The following CDK13 variants were observed in gnomAD, a reference collection of about 807,000 sequenced individuals.
CDK13 encodes the protein cyclin dependent kinase 13.
In CDK13, 40 loss-of-function variants were observed where a neutral mutation model predicts 137.6. That is an observed-to-expected ratio of 0.29 (90% CI 0.23 to 0.38). The LOEUF (loss-of-function observed/expected upper bound fraction) is 0.38. Among genes scored for constraint, CDK13 ranks in the 10% least tolerant of loss-of-function variants. CDK13 has a pLI of 1.00. For synonymous variants in CDK13, 869 were observed against 760.1 expected (o/e 1.14, Z -2.36); for missense variants, 1,704 against 1,951.8 (o/e 0.87, Z 2.39).
chr7:40,036,769 G>A (rs1273565386), intron 5 of CDK13, among the ~76,000 whole-genome samples: 1 of 150,984 alleles, frequency 6.6e-6, no homozygotes, highest in Non-Finnish European at 1.5e-5. Flanking sequence ...TATTATAAAA[G>A]TTAGTCTTTG....
chr7:40,045,036 T>A (rs1276504532), intron 5 of CDK13, among the ~76,000 whole-genome samples: 1 of 152,208 alleles, frequency 6.6e-6, no homozygotes, highest in Non-Finnish European at 1.5e-5. Context: ...AAAGACTCCT[T>A]CTGTTGCAAG....
At chr7:40,043,679 T>C (rs1319575268) in intron 5 of CDK13, among the ~76,000 whole-genome samples, 1 of 151,704 alleles carries the variant, frequency 6.6e-6, no homozygotes, top group African/African-American at 2.4e-5. Context: ...ACAGAAAAAT[T>C]AGCCAGATGT....
chr7:39,973,706 C>T (rs993352032), intron 1 of CDK13, among the ~76,000 whole-genome samples: 2 of 152,150 alleles, frequency 1.3e-5, no homozygotes, highest in African/African-American at 4.8e-5. Context: ...GCATTTTCTT[C>T]TAAAAATTTT....
At chr7:40,024,133 G>A (rs981808301) in intron 5 of CDK13, among the ~76,000 whole-genome samples, 1 of 152,156 alleles carries the variant, frequency 6.6e-6, no homozygotes, top group African/African-American at 2.4e-5. Flanking sequence ...ACTTGAAGCA[G>A]ATTCCCTCAA....
At chr7:40,019,083 G>A (rs1366656391) in intron 5 of CDK13, among the ~76,000 whole-genome samples, 1 of 152,098 alleles carries the variant, frequency 6.6e-6, no homozygotes, top group Non-Finnish European at 1.5e-5. Flanking sequence ...TTATAAGGAA[G>A]GTTATTCATA....
intron 1 of CDK13, among the ~76,000 whole-genome samples, chr7:39,953,858 C>T (rs891388993): frequency 1.3e-5 from 2 of 152,164 alleles, no homozygotes; most frequent in African/African-American, 4.8e-5. Flanking sequence ...TAGAGGCAAC[C>T]TGTTCACTAG....
At chr7:39,954,294 C>T (rs1364835788) in intron 1 of CDK13, among the ~76,000 whole-genome samples, 1 of 152,080 alleles carries the variant, frequency 6.6e-6, no homozygotes, top group African/African-American at 2.4e-5. Context: ...TTGGAAAAAT[C>T]TAAAGATTTT....
intron 1 of CDK13, among the ~76,000 whole-genome samples, chr7:39,964,376 A>G (rs543258941): frequency 4.6e-5 from 7 of 152,124 alleles, no homozygotes; most frequent in Admixed American, 2.0e-4. Flanking sequence ...GAATTTATTC[A>G]TTTCTTCTAG....
chr7:40,016,456 G>A (rs1785007119), intron 5 of CDK13, among the ~76,000 whole-genome samples: 1 of 152,122 alleles, frequency 6.6e-6, no homozygotes, highest in Non-Finnish European at 1.5e-5. Flanking sequence ...CATGTGATAG[G>A]AGAGACTTTA....
At chr7:39,963,890 G>C (rs1783808151) in intron 1 of CDK13, among the ~76,000 whole-genome samples, 1 of 152,142 alleles carries the variant, frequency 6.6e-6, no homozygotes, top group African/African-American at 2.4e-5. Context: ...TATGGTTTTT[G>C]TCATTGGTGC....
Position 40,039,434 on chromosome 7 carries a change from A to ATTTTTTTTTTT in CDK13, c.2354-6389_2354-6379dup, listed in dbSNP as rs976319927. On this transcript the variant is annotated intron_variant, in intron 5 of 13. Transcript: ENST00000181839. ...AGGTGCCCACGACCATGCCCGGCTA[A>ATTTTTTTTTTT]TTTTTTTTTTTTTTTTTTTTTTTGC... Among the ~76,000 whole-genome samples, 206 of 84,990 alleles carry ATTTTTTTTTTT rather than the reference A, an allele frequency of 2.4e-3. 30 individuals are homozygous for ATTTTTTTTTTT. The highest frequency in any genetic ancestry group is 8.8e-3 in the African/African-American group (159 of 18,010). The allele number at this position is 84,990 out of a possible 152,430, so 55.8% of individuals were successfully genotyped here. A position where few individuals can be genotyped will look rare whatever the true frequency, so the allele number is the denominator to read the frequency against.
intron 5 of CDK13, among the ~76,000 whole-genome samples, chr7:40,002,427 G>A (rs1210582185): frequency 1.3e-5 from 2 of 152,252 alleles, no homozygotes; most frequent in Middle Eastern, 3.4e-3. Flanking sequence ...TTCTGAAAGT[G>A]TGGAGGCAAA....
chr7:40,071,735 T>C (rs1411698069), intron 9 of CDK13: 8 of 152,222 alleles, frequency 5.3e-5, no homozygotes, highest in Non-Finnish European at 1.0e-4. Context: ...TTTTCAGTAT[T>C]TTGAAACTGT....
At position 39,951,818 on chromosome 7, in the gene CDK13, C is replaced by A; in HGVS notation, c.1177C>A (p.Arg393Ser). Reference sequence around the variant, plus strand: ...TAGTCCCTACAGCAGCAGCAGCTGGCGCCGCTCTCGCAGTCCCTACAGCCC... The same window carrying A: ...TAGTCCCTACAGCAGCAGCAGCTGGAGCCGCTCTCGCAGTCCCTACAGCCC... ...SPSPYSSSSW[R>S]RSRSPYSPVL... The change falls in exon 1 of 14, where the codon CGC becomes AGC. Residue 393 changes from arginine to serine, a missense_variant. By Grantham distance (110) the Arg-to-Ser change is moderately radical. This residue lies in a region of CDK13 where 1,051 missense variants were observed against 931.0 expected (regional missense o/e 1.13). Coordinates refer to ENST00000181839, the MANE Select transcript of CDK13 (RefSeq NM_003718.5). The A allele has an allele frequency of 6.9e-7, 1 of 1,452,424 alleles. No homozygotes were observed. Among genetic ancestry groups the A allele is most frequent in the Non-Finnish European group, 9.0e-7 (1 of 1,111,574 alleles). 90.0% of individuals were successfully genotyped at this position (1,452,424 alleles called of 1,614,324 possible).
intron 1 of CDK13, among the ~76,000 whole-genome samples, chr7:39,960,938 G>A (rs1787598937): frequency 6.6e-6 from 1 of 152,188 alleles, no homozygotes; most frequent in Non-Finnish European, 1.5e-5. Context: ...GTGTTTACCT[G>A]TGGAGGGCTT....
intron 9 of CDK13, among the ~76,000 whole-genome samples, chr7:40,074,861 C>A (rs983774103): frequency 6.6e-6 from 1 of 150,430 alleles, no homozygotes; most frequent in Non-Finnish European, 1.5e-5. Context: ...ACAAAAAGCC[C>A]GTAAAGGAAA....
intron 2 of CDK13, among the ~76,000 whole-genome samples, chr7:39,994,961 A>G (rs1279505746): frequency 6.6e-6 from 1 of 151,614 alleles, no homozygotes; most frequent in Non-Finnish European, 1.5e-5. Context: ...ATTAAATCTA[A>G]TACAGTCATA....
At chr7:39,961,678 C>T (rs1334698261) in intron 1 of CDK13, among the ~76,000 whole-genome samples, 1 of 151,142 alleles carries the variant, frequency 6.6e-6, no homozygotes, top group East Asian at 1.9e-4. Flanking sequence ...GGTACATGTG[C>T]ACAACGTGCA....
At chr7:40,089,516 A>T (rs1041207573) in intron 12 of CDK13, among the ~76,000 whole-genome samples, 3 of 151,938 alleles carry the variant, frequency 2.0e-5, no homozygotes, top group African/African-American at 7.3e-5. Context: ...TCAGTCTGTC[A>T]TAGAGTAAGC....
Sources: gnomAD v4.1 joint callset for allele counts (sites outside exome capture counted in the v4.1 genomes callset) on GRCh38, gnomAD v4.1.1 for gene constraint, gnomAD v4.1.1 regional missense constraint, MANE v1.5 for transcripts, NCBI Gene and HGNC (gene_info 2026-07-23, HGNC 2026-07-21) for gene names.